GEMIN8: variants seen among roughly 807,000 people sequenced by gnomAD.
GEMIN8 encodes gem-associated protein 8.
For missense variants in GEMIN8, 185 were observed against 205.9 expected, an observed-to-expected ratio of 0.90 and a Z score of 0.62; for synonymous variants, 80 against 78.5, an observed-to-expected ratio of 1.02 and a Z score of -0.10.
the GEMIN8 span, among the ~76,000 whole-genome samples, chrX:14,001,483 A>G: frequency 9.0e-6 from 1 of 111,646 alleles, no homozygotes; most frequent in African/African-American, 3.3e-5. Context: ...ACCATATCCC[A>G]TAACACCTCC....
the GEMIN8 span, among the ~76,000 whole-genome samples, chrX:13,992,391 C>A: frequency 1.5e-4 from 17 of 111,152 alleles, no homozygotes; most frequent in African/African-American, 5.6e-4. Flanking sequence ...GAAAAGGATG[C>A]AGGGAGTGAT....
Position 14,008,107 on chromosome X carries a change from G to A in GEMIN8, c.*806C>T, listed in dbSNP as rs1443884582. 3.6e-5 allele frequency among the ~76,000 whole-genome samples: 4 copies of A among 110,381 alleles called. No homozygotes were observed. The highest frequency in any genetic ancestry group is 5.7e-5 in the Non-Finnish European group (3 of 52,834). On this transcript the variant is annotated 3_prime_UTR_variant, in exon 5 of 5. Coordinates refer to ENST00000680255, the MANE Select transcript of GEMIN8 (RefSeq NM_001042479.2). The stretch of plus-strand genomic sequence containing the variant: ...CAATTCCCCTGCCTCAGTCTCCCAC[G>A]TAGCTGGGATTACAGGCACACACCA...
Position 14,008,943 on chromosome X carries a change from C to G in GEMIN8, c.699G>C (p.Lys233Asn). ...ACTTCAGGGGGATGACCGGCCAGTACTTGGGCTGCTTTCGGTCACAGTGCT... is the reference window on the plus strand; with the variant it reads ...ACTTCAGGGGGATGACCGGCCAGTAGTTGGGCTGCTTTCGGTCACAGTGCT... ...FDKHCDRKQP[K>N]YWPVIPLKF The change falls in exon 5 of 5, where the codon AAG becomes AAC. Residue 233 changes from lysine (K) to asparagine (N), a missense_variant. Physicochemically the swap from Lys to Asn is moderately conservative, Grantham distance 94. Coordinates refer to ENST00000680255, the MANE Select transcript of GEMIN8 (RefSeq NM_001042479.2). 2.5e-6 allele frequency: 3 copies of G among 1,211,317 alleles called. No homozygotes were observed. Among genetic ancestry groups the G allele is most frequent in the Non-Finnish European group, 3.4e-6 (3 of 894,818 alleles).
At chrX:13,994,538 T>C in the GEMIN8 span, among the ~76,000 whole-genome samples, 8 of 112,834 alleles carry the variant, frequency 7.1e-5, no homozygotes, top group East Asian at 1.7e-3. Flanking sequence ...ATCTCTTTTA[T>C]ATCTTTGCAG....
rs770617274 is a variant in GEMIN8 at position 14,007,009 on chromosome X, T to C, written c.*1904A>G. On this transcript the variant is annotated 3_prime_UTR_variant, in exon 5 of 5. Coordinates refer to ENST00000680255, the MANE Select transcript of GEMIN8 (RefSeq NM_001042479.2). The stretch of plus-strand genomic sequence containing the variant: ...CCTGCTGCAATTCCAGGCTTTGGTT[T>C]GTACTTGTATCTCAGTCACAGTTAT... 2.0e-4 allele frequency among the ~76,000 whole-genome samples: 23 copies of C among 112,363 alleles called. No homozygotes were observed. Among genetic ancestry groups the C allele is most frequent in the Non-Finnish European group, 3.8e-4 (20 of 53,311 alleles).
At chrX:13,993,103 T>C in the GEMIN8 span, among the ~76,000 whole-genome samples, 1 of 112,449 alleles carries the variant, frequency 8.9e-6, no homozygotes, top group African/African-American at 3.2e-5. Context: ...CAATTCGCAT[T>C]ACTGTCATCG....
chrX:14,014,283 C>T, intron 4 of GEMIN8: 1 of 753,601 alleles, frequency 1.3e-6, no homozygotes, highest in Non-Finnish European at 1.6e-6. Context: ...TGATGTATGC[C>T]ATGAATGCCT....
chrX:14,011,226 C>T (rs1270314717), intron 4 of GEMIN8, among the ~76,000 whole-genome samples: 3 of 111,373 alleles, frequency 2.7e-5, no homozygotes, highest in Non-Finnish European at 5.7e-5. Context: ...GAAGGAAGAG[C>T]GGGGGTGACC....
intron 1 of GEMIN8, among the ~76,000 whole-genome samples, chrX:14,029,075 A>G (rs926469516): frequency 2.7e-5 from 3 of 112,054 alleles, no homozygotes; most frequent in African/African-American, 9.7e-5. Context: ...ATTGTTCAGA[A>G]CCATCTGATC....
downstream of GEMIN8, among the ~76,000 whole-genome samples, chrX:14,002,390 G>A (rs1308304666): frequency 9.0e-6 from 1 of 110,948 alleles, no homozygotes; most frequent in African/African-American, 3.3e-5. Flanking sequence ...GTTCTTCAGG[G>A]CCCCACTGTC....
intron 1 of GEMIN8, among the ~76,000 whole-genome samples, chrX:14,028,803 T>G (rs1924828631): frequency 8.9e-6 from 1 of 112,295 alleles, no homozygotes; most frequent in African/African-American, 3.2e-5. Flanking sequence ...TCTTTAAAAA[T>G]ATATGGTTTC....
chrX:14,002,346 GA>G, downstream of GEMIN8, among the ~76,000 whole-genome samples: 1 of 108,638 alleles, frequency 9.2e-6, no homozygotes, highest in Middle Eastern at 4.7e-3. Context: ...TAGATAGATA[GA>G]TAGATAGATA....
Position 14,021,523 on chromosome X carries a change from G to C in GEMIN8, c.-33-12C>G, listed in dbSNP as rs774959305. ...AATGGGTGCTGAAACTAGGAAAGAA[G>C]AATCACAGTGCAAACGTCTGATCAG... On this transcript the variant is annotated splice_polypyrimidine_tract_variant and intron_variant, in intron 2 of 4. Transcript: ENST00000680255. The C allele has an allele frequency of 1.8e-6, 2 of 1,131,094 alleles. No individual in the cohort carries two copies. The highest frequency in any genetic ancestry group is 1.8e-5 in the African/African-American group (1 of 54,921). The allele number at this position is 1,131,094 out of a possible 1,213,427, so 93.2% of individuals were successfully genotyped here. A position where few individuals can be genotyped will look rare whatever the true frequency, so the allele number is the denominator to read the frequency against.
At position 14,009,080 on chromosome X, in the gene GEMIN8, C is replaced by T; in HGVS notation, c.562G>A (p.Ala188Thr). 3.3e-6 allele frequency: 4 copies of T among 1,212,080 alleles called. No homozygotes were observed. Among genetic ancestry groups the T allele is most frequent in the Non-Finnish European group, 4.5e-6 (4 of 895,357 alleles). ...CGCTCACCAGGCCTCTCAGTTGGGG[C>T]TTCTACCGACCGGCGGGTGTTGCAG... The part of the protein sequence containing the change: ...LYCNTRRSVE[A>T]PTERPGERRQ... The change falls in exon 5 of 5, where the codon GCC (alanine) becomes ACC (threonine). Residue 188 changes from alanine (A) to threonine (T), a missense_variant. By Grantham distance (58) the Ala-to-Thr change is moderately conservative. Coordinates refer to ENST00000680255, the MANE Select transcript of GEMIN8 (RefSeq NM_001042479.2).
In GEMIN8 at chrX:14,006,731, G is replaced by A. The variant is rs1039020651; in HGVS notation, c.*2182C>T. On this transcript the variant is annotated 3_prime_UTR_variant, in exon 5 of 5. Transcript: ENST00000680255. ...TGATTTTTAAAGACAGGTAATAAAC[G>A]TGTCAACATTTATTGAGTATTTACC... Among the ~76,000 whole-genome samples the A allele has an allele frequency of 4.5e-5, 5 of 111,675 alleles. No individual in the cohort carries two copies. The highest frequency in any genetic ancestry group is 9.4e-5 in the Non-Finnish European group (5 of 53,150).
chrX:14,018,908 A>G (rs1367318043), intron 4 of GEMIN8, among the ~76,000 whole-genome samples: 1 of 108,539 alleles, frequency 9.2e-6, no homozygotes, highest in Non-Finnish European at 1.9e-5. Flanking sequence ...GTGAGCCACC[A>G]CACCTGGCTG....
chrX:14,023,405 A>G (rs1283010323), intron 2 of GEMIN8, among the ~76,000 whole-genome samples: 7 of 108,998 alleles, frequency 6.4e-5, no homozygotes, highest in African/African-American at 2.3e-4. Context: ...TTTGAGACGA[A>G]GTCTCACACT....
the GEMIN8 span, among the ~76,000 whole-genome samples, chrX:14,001,062 T>C: frequency 8.9e-6 from 1 of 112,252 alleles, no homozygotes; most frequent in Non-Finnish European, 1.9e-5. Context: ...AGCTCTTTCC[T>C]TCAAATTCTA....
the GEMIN8 span, among the ~76,000 whole-genome samples, chrX:13,987,901 T>TA: frequency 4.5e-5 from 5 of 112,126 alleles, no homozygotes; most frequent in Non-Finnish European, 9.4e-5. Flanking sequence ...AGTTATAACA[T>TA]ACTTGCTGTG....
Sources: gnomAD v4.1 joint callset for allele counts (sites outside exome capture counted in the v4.1 genomes callset) on GRCh38, gnomAD v4.1.1 for gene constraint, MANE v1.5 for transcripts, NCBI Gene and HGNC (gene_info 2026-07-23, HGNC 2026-07-21) for gene names.